ANK3: variants seen among roughly 807,000 people sequenced by gnomAD.
ANK3 encodes the protein ankyrin-3.
Under a neutral mutation model 370.9 loss-of-function variants are expected in ANK3, and 57 were observed. The ratio of observed to expected loss-of-function variants is 0.15; its 90% CI spans 0.12 to 0.19. The LOEUF (loss-of-function observed/expected upper bound fraction) is 0.19, where lower values mean the gene tolerates loss of function less well. Among genes scored for constraint, ANK3 ranks in the 10% least tolerant of loss-of-function variants. The probability of loss-of-function intolerance (pLI) is 1.00; values close to 1 mark genes in which losing one functional copy is unlikely to be tolerated. For synonymous variants in ANK3, 1,929 were observed against 1,946.3 expected (o/e 0.99, Z 0.23); for missense variants, 4,439 against 5,302.1 (o/e 0.84, Z 5.06).
At chr10:60,671,029 T>C (rs2079058750) in intron 1 of ANK3, among the ~76,000 whole-genome samples, 1 of 152,162 alleles carries the variant, frequency 6.6e-6, no homozygotes, top group Non-Finnish European at 1.5e-5. Flanking sequence ...AGTAAATCAA[T>C]AGGAACCTGG....
intron 1 of ANK3, among the ~76,000 whole-genome samples, chr10:60,350,875 GATAC>G (rs1422975685): frequency 1.6e-4 from 25 of 152,040 alleles, no homozygotes; most frequent in Non-Finnish European, 3.1e-4. Context: ...TGTGCCCTTT[GATAC>G]TTCCCAGGGC....
intron 43 of ANK3, among the ~76,000 whole-genome samples, chr10:60,038,710 T>A (rs533970042): frequency 7.2e-5 from 11 of 152,252 alleles, no homozygotes; most frequent in African/African-American, 2.6e-4. Flanking sequence ...TGTGTTTTAA[T>A]GTTATCTTGT....
chr10:60,693,237 C>A (rs141687989), intron 1 of ANK3, among the ~76,000 whole-genome samples: 6,822 of 152,342 alleles, frequency 0.045, 195 homozygotes, highest in Middle Eastern at 0.082. Flanking sequence ...TATCCCGCAC[C>A]TGGCTCGCAG....
intron 42 of ANK3, among the ~76,000 whole-genome samples, chr10:60,048,880 C>T (rs528840280): frequency 6.6e-6 from 1 of 152,302 alleles, no homozygotes; most frequent in East Asian, 1.9e-4. Flanking sequence ...ATCTTGGAAA[C>T]ACAGTAATTT....
intron 7 of ANK3, among the ~76,000 whole-genome samples, chr10:60,257,298 A>G (rs1280596949): frequency 6.6e-6 from 1 of 152,176 alleles, no homozygotes; most frequent in African/African-American, 2.4e-5. Flanking sequence ...AGGCAGCCCA[A>G]TGGACATGTT....
intron 2 of ANK3, among the ~76,000 whole-genome samples, chr10:60,562,444 C>T (rs1187284155): frequency 2.0e-5 from 3 of 152,032 alleles, no homozygotes; most frequent in Non-Finnish European, 4.4e-5. Flanking sequence ...GATGGAGTCT[C>T]GCTCTGCCTC....
intron 2 of ANK3, among the ~76,000 whole-genome samples, chr10:60,496,952 GT>G (rs2075673974): frequency 6.6e-6 from 1 of 152,104 alleles, no homozygotes; most frequent in African/African-American, 2.4e-5. Context: ...AAAAGGACTT[GT>G]TGCAGAAAGC....
intron 16 of ANK3, among the ~76,000 whole-genome samples, chr10:60,194,075 C>G (rs955233559): frequency 5.3e-5 from 8 of 151,958 alleles, no homozygotes; most frequent in African/African-American, 1.7e-4. Context: ...GAGCCAAGAT[C>G]GTGCCACTGC....
intron 1 of ANK3, among the ~76,000 whole-genome samples, chr10:60,303,876 ATGTGTGTGTG>A (rs71015783): frequency 1.5e-4 from 22 of 147,540 alleles, no homozygotes; most frequent in South Asian, 6.5e-4. Flanking sequence ...TGGTGTATAT[ATGTGTGTGTG>A]TGTGTGTGTG....
At chr10:60,225,948 G>A (rs894329101) in intron 8 of ANK3, among the ~76,000 whole-genome samples, 5 of 148,650 alleles carry the variant, frequency 3.4e-5, no homozygotes, top group African/African-American at 1.2e-4. Context: ...ATTAAAATGT[G>A]TATCTTTAAC....
chr10:60,174,229 T>C (rs2095866170), intron 18 of ANK3, among the ~76,000 whole-genome samples: 1 of 152,178 alleles, frequency 6.6e-6, no homozygotes, highest in Admixed American at 6.5e-5. Context: ...ACCAGGGATG[T>C]GCTGCCCTAG....
chr10:60,395,917 C>T (rs1381407317), intron 2 of ANK3, among the ~76,000 whole-genome samples: 1 of 152,128 alleles, frequency 6.6e-6, no homozygotes, highest in Admixed American at 6.6e-5. Context: ...GAGGTCAGCA[C>T]TCAGCACAAT....
At chr10:60,672,127 A>G (rs891440817) in intron 1 of ANK3, among the ~76,000 whole-genome samples, 4 of 152,246 alleles carry the variant, frequency 2.6e-5, no homozygotes, top group African/African-American at 7.2e-5. Context: ...GATAAATAAA[A>G]AAGATTTGGT....
At chr10:60,036,724 C>T (rs2075089952) in intron 43 of ANK3, among the ~76,000 whole-genome samples, 1 of 152,102 alleles carries the variant, frequency 6.6e-6, no homozygotes, top group Non-Finnish European at 1.5e-5. Context: ...GCGTGAGCCA[C>T]TGCATCTGGC....
intron 1 of ANK3, among the ~76,000 whole-genome samples, chr10:60,641,780 T>C (rs1360859788): frequency 6.6e-6 from 1 of 151,940 alleles, no homozygotes; most frequent in Admixed American, 6.6e-5. Context: ...AATTGACAAA[T>C]GGGATCTAAT....
At chr10:60,191,809 A>G (rs1369628132) in intron 16 of ANK3, among the ~76,000 whole-genome samples, 1 of 152,208 alleles carries the variant, frequency 6.6e-6, no homozygotes, top group Admixed American at 6.5e-5. Context: ...TCATTGCAGC[A>G]CCATTCACAA....
At chr10:60,583,652 T>A (rs932724250) in intron 2 of ANK3, among the ~76,000 whole-genome samples, 1 of 151,770 alleles carries the variant, frequency 6.6e-6, no homozygotes, top group Non-Finnish European at 1.5e-5. Flanking sequence ...GGCACGATCT[T>A]GGCTCACTGC....
At chr10:60,085,058 A>G in intron 31 of ANK3, 99 bp downstream of exon 31, 1 of 1,012,142 alleles carries the variant, frequency 9.9e-7, no homozygotes, top group South Asian at 1.8e-5. Flanking sequence ...TTTTTTTCTC[A>G]CAACAATTTT....
intron 1 of ANK3, among the ~76,000 whole-genome samples, chr10:60,286,794 G>C (rs2040124643): frequency 6.6e-6 from 1 of 152,198 alleles, no homozygotes; most frequent in African/African-American, 2.4e-5. Context: ...ATTCCAAAGA[G>C]AAATTTGAGA....
Sources: allele counts gnomAD v4.1 joint callset (sites outside exome capture counted in the v4.1 genomes callset), GRCh38; gene constraint gnomAD v4.1.1; transcripts MANE v1.5; gene names NCBI Gene and HGNC (gene_info 2026-07-23, HGNC 2026-07-21).